Variants in RGS17 observed in about 807,000 individuals in gnomAD.
The protein encoded by RGS17 is regulator of G protein signaling 17.
A neutral mutation model predicts 25.5 loss-of-function variants in RGS17; 12 were observed. The ratio of observed to expected loss-of-function variants is 0.47; its 90% CI spans 0.30 to 0.76. The LOEUF is 0.76. Among genes scored for constraint, RGS17 ranks in the 30% least tolerant of loss-of-function variants. The probability of loss-of-function intolerance (pLI) is 0.07; values close to 1 mark genes in which losing one functional copy is unlikely to be tolerated. For missense variants in RGS17, 196 were observed against 242.2 expected, an observed-to-expected ratio of 0.81 and a Z score of 1.27; for synonymous variants, 71 against 76.9, an observed-to-expected ratio of 0.92 and a Z score of 0.40.
chr6:153,020,198 G>T (rs1779234871), intron 4 of RGS17, among the ~76,000 whole-genome samples: 1 of 126,022 alleles, frequency 7.9e-6, no homozygotes, highest in South Asian at 2.6e-4. Flanking sequence ...CTTTTGCCCA[G>T]GCTGGAGTGC....
chr6:153,038,925 T>A (rs549090596), intron 2 of RGS17, among the ~76,000 whole-genome samples: 1 of 152,162 alleles, frequency 6.6e-6, no homozygotes, highest in Non-Finnish European at 1.5e-5. Context: ...GTGAGATCCA[T>A]CCCATGGTCT....
In RGS17 at chr6:153,105,236, T is replaced by C. The variant is rs563336804; in HGVS notation, c.-26+25888A>G. 2.6e-5 allele frequency among the ~76,000 whole-genome samples: 4 copies of C among 152,300 alleles called. No homozygotes were observed. The South Asian group carries it at 8.3e-4, about 32-fold the overall frequency. On this transcript the variant is annotated intron_variant, in intron 1 of 4. Coordinates refer to ENST00000206262, the MANE Select transcript of RGS17 (RefSeq NM_012419.5). ...AATACGTCTACTTCATCGTCCAATT[T>C]AATCTCAGGCTACCTGCCATGTAGT...
chr6:153,086,921 T>C (rs1007213323), intron 1 of RGS17, among the ~76,000 whole-genome samples: 3 of 152,212 alleles, frequency 2.0e-5, no homozygotes, highest in Non-Finnish European at 4.4e-5. Flanking sequence ...TGTGATCTGA[T>C]AGTAAAAATC....
intron 1 of RGS17, among the ~76,000 whole-genome samples, chr6:153,081,008 T>A (rs1776971223): frequency 6.6e-6 from 1 of 152,126 alleles, no homozygotes. Flanking sequence ...AATTTAAGAA[T>A]AATTGGTTAA....
At chr6:153,049,297 A>G (rs1381918452) in intron 1 of RGS17, among the ~76,000 whole-genome samples, 1 of 152,206 alleles carries the variant, frequency 6.6e-6, no homozygotes, top group African/African-American at 2.4e-5. Flanking sequence ...GTTCAATAGC[A>G]AAACCAAAAC....
intron 1 of RGS17, among the ~76,000 whole-genome samples, chr6:153,118,514 T>A (rs1777574924): frequency 6.6e-6 from 1 of 152,236 alleles, no homozygotes; most frequent in Admixed American, 6.5e-5. Context: ...ATCTTTCCTG[T>A]TATCCTTTTA....
intron 1 of RGS17, among the ~76,000 whole-genome samples, chr6:153,094,276 G>A (rs1313868605): frequency 6.6e-6 from 1 of 151,782 alleles, no homozygotes; most frequent in Non-Finnish European, 1.5e-5. Flanking sequence ...ATGGGGTTTT[G>A]CTATGTTGGC....
At chr6:153,032,997 G>C (rs1031531359) in intron 2 of RGS17, among the ~76,000 whole-genome samples, 4 of 152,146 alleles carry the variant, frequency 2.6e-5, no homozygotes, top group Admixed American at 2.6e-4. Context: ...TATTTTAAAA[G>C]AGCCATCCTG....
At position 153,024,510 on chromosome 6, in the gene RGS17, A is replaced by G; in HGVS notation, c.210-14T>C. Reference sequence around the variant, plus strand: ...GTGGGGTTTTGGCTGCAGAGACAGAACGGGGCCGTGATCAAAGGGAACTTT... The same window carrying G: ...GTGGGGTTTTGGCTGCAGAGACAGAGCGGGGCCGTGATCAAAGGGAACTTT... On this transcript the variant is annotated splice_polypyrimidine_tract_variant and intron_variant, in intron 3 of 4. Coordinates refer to ENST00000206262, the MANE Select transcript of RGS17 (RefSeq NM_012419.5). 6.3e-7 allele frequency: 1 copy of G among 1,590,626 alleles called. No individual in the cohort carries two copies. The highest frequency in any genetic ancestry group is 8.6e-7 in the Non-Finnish European group (1 of 1,159,106).
intron 4 of RGS17, among the ~76,000 whole-genome samples, chr6:153,021,613 A>C (rs1039709502): frequency 1.3e-5 from 2 of 152,192 alleles, no homozygotes; most frequent in Non-Finnish European, 2.9e-5. Context: ...ACAGGATAGA[A>C]ATCAGCTGGC....
chr6:153,104,818 T>C (rs747707183), intron 1 of RGS17, among the ~76,000 whole-genome samples: 1 of 144,284 alleles, frequency 6.9e-6, no homozygotes, highest in Non-Finnish European at 1.5e-5. Context: ...GCGAGACTCT[T>C]GTCTCAAAAA....
Position 153,010,482 on chromosome 6 carries a change from G to T in RGS17, c.*1092C>A, listed in dbSNP as rs1779119450. ...TATGTGAAAACAGTTAAGGTCTGAA[G>T]TAGAGGATTATTTTCTTCATAACCC... On this transcript the variant is annotated 3_prime_UTR_variant, in exon 5 of 5. Transcript: ENST00000206262. The T allele has an allele frequency of 6.6e-6, 1 of 152,034 alleles. No individual in the cohort carries two copies. Among genetic ancestry groups the T allele is most frequent in the African/African-American group, 2.4e-5 (1 of 41,432 alleles). The allele number at this position is 152,034 out of a possible 1,614,324, so 9.4% of individuals were successfully genotyped here. A position where few individuals can be genotyped will look rare whatever the true frequency, so the allele number is the denominator to read the frequency against.
intron 2 of RGS17, among the ~76,000 whole-genome samples, chr6:153,033,310 A>C (rs1409945904): frequency 6.6e-6 from 1 of 152,218 alleles, no homozygotes; most frequent in Non-Finnish European, 1.5e-5. Context: ...AGAAATCTAC[A>C]CGGTACGTTT....
At chr6:153,079,530 T>C (rs1776941435) in intron 1 of RGS17, among the ~76,000 whole-genome samples, 1 of 152,232 alleles carries the variant, frequency 6.6e-6, no homozygotes. Flanking sequence ...TAATGTTGAA[T>C]TTTGTAATTT....
At chr6:153,071,580 G>A (rs1776803024) in intron 1 of RGS17, among the ~76,000 whole-genome samples, 1 of 152,088 alleles carries the variant, frequency 6.6e-6, no homozygotes, top group Non-Finnish European at 1.5e-5. Context: ...GCCCCAATTA[G>A]TTTTCACTAT....
intron 1 of RGS17, among the ~76,000 whole-genome samples, chr6:153,060,345 T>C (rs1776616667): frequency 6.6e-6 from 1 of 152,166 alleles, no homozygotes. Context: ...GACTCGGACA[T>C]CCTAAACAGT....
chr6:153,075,971 T>C (rs1424148617), intron 1 of RGS17, among the ~76,000 whole-genome samples: 4 of 152,126 alleles, frequency 2.6e-5, no homozygotes, highest in African/African-American at 9.7e-5. Context: ...GTAGTGGAAA[T>C]AGGGACAGTT....
At chr6:153,011,864 A>C in intron 4 of RGS17, 102 bp from the exon 5 acceptor site, 1 of 769,706 alleles carries the variant, frequency 1.3e-6, no homozygotes, top group Non-Finnish European at 2.0e-6. Flanking sequence ...TTTAAAGAGC[A>C]AATCCAACTA....
chr6:153,082,612 T>C (rs1562329158), intron 1 of RGS17, among the ~76,000 whole-genome samples: 1 of 152,240 alleles, frequency 6.6e-6, no homozygotes, highest in East Asian at 1.9e-4. Flanking sequence ...AACATTGTTA[T>C]AACTGCTATG....
Sources: allele counts gnomAD v4.1 joint callset (sites outside exome capture counted in the v4.1 genomes callset), GRCh38; gene constraint gnomAD v4.1.1; transcripts MANE v1.5; gene names NCBI Gene and HGNC (gene_info 2026-07-23, HGNC 2026-07-21).